The following ANO2 variants were observed in gnomAD, a reference collection of about 807,000 sequenced individuals.
ANO2 encodes anoctamin-2.
A neutral mutation model predicts 124.2 loss-of-function variants in ANO2; 101 were observed. The observed-to-expected ratio is 0.81, with a 90% CI of 0.69 to 0.96. The LOEUF (loss-of-function observed/expected upper bound fraction) is 0.96, where lower values mean the gene tolerates loss of function less well. ANO2 is among the 40% of genes least tolerant of loss of function. ANO2 has a pLI of 0.00. For synonymous variants in ANO2, 486 were observed against 482.5 expected, an observed-to-expected ratio of 1.01 and a Z score of -0.09; for missense variants, 1,293 against 1,274.5, an observed-to-expected ratio of 1.01 and a Z score of -0.22.
intron 16 of ANO2, among the ~76,000 whole-genome samples, chr12:5,634,281 C>T (rs1263212504): frequency 6.6e-6 from 1 of 152,126 alleles, no homozygotes; most frequent in Non-Finnish European, 1.5e-5. Context: ...CGGAATTCTC[C>T]AGTCATTAGG....
intron 1 of ANO2, among the ~76,000 whole-genome samples, chr12:5,941,844 A>G (rs1487850049): frequency 6.6e-6 from 1 of 152,238 alleles, no homozygotes; most frequent in African/African-American, 2.4e-5. Context: ...GGAGACCAAA[A>G]GAGTGATACC....
intron 14 of ANO2, among the ~76,000 whole-genome samples, chr12:5,706,742 C>A (rs1471486544): frequency 6.6e-6 from 1 of 152,196 alleles, no homozygotes; most frequent in African/African-American, 2.4e-5. Flanking sequence ...CTGCTATAAC[C>A]CCATGGTCTA....
At chr12:5,940,830 T>C (rs189180601) in intron 1 of ANO2, among the ~76,000 whole-genome samples, 97 of 152,306 alleles carry the variant, frequency 6.4e-4, no homozygotes, top group African/African-American at 2.2e-3. Context: ...TCATTTATAG[T>C]AACAAAAACT....
At chr12:5,926,471 C>T (rs564828483) in intron 1 of ANO2, among the ~76,000 whole-genome samples, 76 of 152,252 alleles carry the variant, frequency 5.0e-4, no homozygotes, top group African/African-American at 1.8e-3. Context: ...AGTCTCCACC[C>T]CCTCTCTCCT....
chr12:5,610,093 TTTATA>T (rs1257586951), intron 19 of ANO2, among the ~76,000 whole-genome samples: 5 of 133,466 alleles, frequency 3.7e-5, no homozygotes, highest in South Asian at 4.4e-4. Flanking sequence ...AATATATATA[TTTATA>T]TTATATTTTA....
intron 13 of ANO2, among the ~76,000 whole-genome samples, chr12:5,738,875 GGT>G (rs1950980075): frequency 6.6e-6 from 1 of 152,258 alleles, no homozygotes; most frequent in East Asian, 1.9e-4. Flanking sequence ...ATACCACAGA[GGT>G]TTAGTGTTTC....
chr12:5,601,027 T>C (rs1399800967), intron 19 of ANO2, among the ~76,000 whole-genome samples: 1 of 152,226 alleles, frequency 6.6e-6, no homozygotes, highest in Non-Finnish European at 1.5e-5. Flanking sequence ...GAGGATGTAG[T>C]ATAGTGGATA....
intron 7 of ANO2, 60 bp from the exon 8 acceptor site, chr12:5,807,428 C>G: frequency 6.9e-7 from 1 of 1,450,256 alleles, no homozygotes; most frequent in African/African-American, 1.4e-5. Flanking sequence ...CAACTTAACC[C>G]CTGTTTTTTG....
At chr12:5,927,491 A>T (rs1398946001) in intron 1 of ANO2, among the ~76,000 whole-genome samples, 1 of 152,200 alleles carries the variant, frequency 6.6e-6, no homozygotes, top group Non-Finnish European at 1.5e-5. Context: ...TCCCCAAACC[A>T]GTCCTTCCGA....
intron 14 of ANO2, among the ~76,000 whole-genome samples, chr12:5,705,465 C>A (rs753985814): frequency 1.3e-5 from 2 of 152,206 alleles, no homozygotes; most frequent in Non-Finnish European, 2.9e-5. Flanking sequence ...ACCAGGATCA[C>A]GTGAATCTAT....
intron 3 of ANO2, among the ~76,000 whole-genome samples, chr12:5,916,253 G>A (rs1273771860): frequency 6.6e-6 from 1 of 151,954 alleles, no homozygotes; most frequent in Non-Finnish European, 1.5e-5. Context: ...ATCCAGCCTG[G>A]GTGACAGAGT....
chr12:5,897,368 A>G (rs1339492215), intron 3 of ANO2, among the ~76,000 whole-genome samples: 1 of 152,198 alleles, frequency 6.6e-6, no homozygotes, highest in Non-Finnish European at 1.5e-5. Context: ...GTTAGCACCT[A>G]CTAGAAACCC....
chr12:5,744,059 G>C, intron 12 of ANO2, 98 bp downstream of exon 12: 1 of 1,461,128 alleles, frequency 6.8e-7, no homozygotes, highest in East Asian at 2.3e-5. Context: ...GAAAAAATGC[G>C]AAAGTAAGTA....
At chr12:5,867,068 C>T (rs1955445638) in intron 3 of ANO2, among the ~76,000 whole-genome samples, 1 of 152,208 alleles carries the variant, frequency 6.6e-6, no homozygotes, top group Admixed American at 6.5e-5. Flanking sequence ...CTGTGACCTT[C>T]GGAGGAGGCA....
intron 6 of ANO2, 96 bp from the exon 7 acceptor site, chr12:5,827,916 C>A: frequency 7.2e-7 from 1 of 1,392,528 alleles, no homozygotes; most frequent in Non-Finnish European, 9.8e-7. Flanking sequence ...GCGGGAGGCG[C>A]CCGGGCTCAT....
intron 14 of ANO2, among the ~76,000 whole-genome samples, chr12:5,708,165 C>A (rs146155377): frequency 6.6e-6 from 1 of 151,888 alleles, no homozygotes; most frequent in Non-Finnish European, 1.5e-5. Flanking sequence ...ACCCAGTGAA[C>A]GCTCTCCTGA....
chr12:5,571,055 G>A, intron 23 of ANO2, among the ~76,000 whole-genome samples: 1 of 152,130 alleles, frequency 6.6e-6, no homozygotes, highest in East Asian at 1.9e-4. Flanking sequence ...CAGGATACGG[G>A]GTGTGCAAGC....
At chr12:5,705,862 T>C (rs980188922) in intron 14 of ANO2, among the ~76,000 whole-genome samples, 1 of 152,196 alleles carries the variant, frequency 6.6e-6, no homozygotes, top group Non-Finnish European at 1.5e-5. Flanking sequence ...CCCTTCTTTC[T>C]ACCCATTTAA....
intron 14 of ANO2, among the ~76,000 whole-genome samples, chr12:5,648,512 C>A (rs2136957000): frequency 6.6e-6 from 1 of 152,298 alleles, no homozygotes; most frequent in East Asian, 1.9e-4. Flanking sequence ...CTGCGACAAT[C>A]GTTATCAGTA....
Sources: gnomAD v4.1 joint callset for allele counts (sites outside exome capture counted in the v4.1 genomes callset) on GRCh38, gnomAD v4.1.1 for gene constraint, MANE v1.5 for transcripts, NCBI Gene and HGNC (gene_info 2026-07-23, HGNC 2026-07-21) for gene names.